Variants in CBFA2T3 observed in about 807,000 individuals in gnomAD.
CBFA2T3 encodes transcriptional corepressor CBFA2T3.
Under a neutral mutation model 58.6 loss-of-function variants are expected in CBFA2T3, and 31 were observed. The ratio of observed to expected loss-of-function variants is 0.53; its 90% confidence interval spans 0.40 to 0.71. CBFA2T3 has a LOEUF of 0.71. CBFA2T3 is among the 30% of genes least tolerant of loss of function. The probability of loss-of-function intolerance (pLI) is 0.00; values close to 1 mark genes in which losing one functional copy is unlikely to be tolerated. For synonymous variants in CBFA2T3, 531 were observed against 421.9 expected (o/e 1.26, Z -3.17); for missense variants, 1,076 against 963.1 (o/e 1.12, Z -1.55).
rs146447637 is a variant in CBFA2T3, at chr16:88,943,086, C to T, written c.151+33571G>A. On this transcript the variant is annotated intron_variant, in intron 1 of 11. Coordinates refer to ENST00000268679, the MANE Select transcript of CBFA2T3 (RefSeq NM_005187.6). ...TTTGTGTGCCACTAAGAAAGGAAAA[C>T]ATTCTGCCGGTGATAATCCTAAAAC... Among the ~76,000 whole-genome samples, 804 of 152,342 alleles carry T rather than the reference C, an allele frequency of 5.3e-3. 2 individuals are homozygous for T. Among genetic ancestry groups the T allele is most frequent in the Non-Finnish European group, 8.8e-3 (596 of 68,030 alleles).
intron 3 of CBFA2T3, among the ~76,000 whole-genome samples, chr16:88,893,699 C>T (rs140760691): frequency 1.4e-4 from 21 of 152,338 alleles, no homozygotes; most frequent in South Asian, 4.1e-4. Context: ...GCCTGGCTGG[C>T]CCTGCTATTG....
At chr16:88,908,772 TG>T (rs1413296168) in intron 1 of CBFA2T3, among the ~76,000 whole-genome samples, 2 of 152,244 alleles carry the variant, frequency 1.3e-5, no homozygotes, top group Non-Finnish European at 2.9e-5. Flanking sequence ...ACAAAAGCCT[TG>T]GGGCATAGGA....
Position 88,946,762 on chromosome 16 carries a change from C to A in CBFA2T3, c.151+29895G>T, listed in dbSNP as rs145441486. 5.1e-3 allele frequency among the ~76,000 whole-genome samples: 781 copies of A among 151,926 alleles called. 7 individuals carry two copies. The highest frequency in any genetic ancestry group is 0.018 in the African/African-American group (753 of 41,408). Reference sequence around the variant, plus strand: ...TCCCACAGTGCTGGGATTACAGACACGAGCCACTGCTTCTGGCTGAGTTTT... The same window carrying A: ...TCCCACAGTGCTGGGATTACAGACAAGAGCCACTGCTTCTGGCTGAGTTTT... On this transcript the variant is annotated intron_variant, in intron 1 of 11. Coordinates refer to ENST00000268679, the MANE Select transcript of CBFA2T3 (RefSeq NM_005187.6).
intron 7 of CBFA2T3, among the ~76,000 whole-genome samples, chr16:88,883,101 G>A (rs1969194434): frequency 6.6e-6 from 1 of 152,234 alleles, no homozygotes; most frequent in African/African-American, 2.4e-5. Context: ...GGGGTGGGGT[G>A]TGGACCGAGG....
intron 1 of CBFA2T3, chr16:88,939,513 G>A (rs1319612659): frequency 6.6e-6 from 1 of 152,334 alleles, no homozygotes; most frequent in East Asian, 1.9e-4. Context: ...CTTTCAGTGT[G>A]GAAGAGTGGC....
At chr16:88,881,532 G>A (rs750888629) in intron 8 of CBFA2T3, 43 bp from the exon 9 acceptor site, 1 of 1,565,108 alleles carries the variant, frequency 6.4e-7, no homozygotes, top group Admixed American at 1.7e-5. Flanking sequence ...AGAGGGACCG[G>A]GACGCACCAG....
chr16:88,945,760 T>G (rs571563963), intron 1 of CBFA2T3, among the ~76,000 whole-genome samples: 1 of 152,248 alleles, frequency 6.6e-6, no homozygotes, highest in Non-Finnish European at 1.5e-5. Context: ...ACAGTTTGAC[T>G]GTTTCTTATG....
Position 88,901,596 on chromosome 16 carries a change from G to C in CBFA2T3, c.212C>G (p.Thr71Arg), listed in dbSNP as rs779187993. 2.4e-5 allele frequency: 36 copies of C among 1,517,958 alleles called. No individual in the cohort carries two copies. In the East Asian group the frequency reaches 9.6e-4, roughly 40 times the overall value. The allele number at this position is 1,517,958 out of a possible 1,614,324, so 94.0% of individuals were successfully genotyped here. A position where few individuals can be genotyped will look rare whatever the true frequency, so the allele number is the denominator to read the frequency against. Residue 71 changes from threonine (T) to arginine (R), a missense_variant, in exon 2 of 12, where the codon ACG (threonine) becomes AGG (arginine). Coordinates refer to ENST00000268679, the MANE Select transcript of CBFA2T3 (RefSeq NM_005187.6). ...AMPDSPAEVK[T>R]QPRSTPPSMP... is the part of the protein sequence containing the mutation. ...GCTGGGGGGTGTGGACCGGGGCTGC[G>C]TCTTCACCTCCGCTGGGGAGTCCGG...
intron 8 of CBFA2T3, 61 bp from the exon 9 acceptor site, chr16:88,881,550 CCCAGCCCACTCGG>C: frequency 6.6e-7 from 1 of 1,523,186 alleles, no homozygotes; most frequent in Non-Finnish European, 8.9e-7. Context: ...CAGACACTCC[CCCAGCCCACTCGG>C]CCAGAGCCCC....
intron 3 of CBFA2T3, among the ~76,000 whole-genome samples, chr16:88,895,624 A>C (rs1165322858): frequency 6.6e-6 from 1 of 152,002 alleles, no homozygotes; most frequent in Admixed American, 6.5e-5. Context: ...AGCGGGGGGA[A>C]CAGGTGTGCC....
At chr16:88,902,223 A>G (rs1970126812) in intron 1 of CBFA2T3, among the ~76,000 whole-genome samples, 1 of 152,192 alleles carries the variant, frequency 6.6e-6, no homozygotes, top group Non-Finnish European at 1.5e-5. Context: ...GTGTCTGCCC[A>G]GGGAGAGGCC....
In CBFA2T3 at chr16:88,893,749, A is replaced by G. The variant is rs144593726; in HGVS notation, c.380-1264T>C. ...GGGGCCTGGCAGACATGGGGCTGCTATGGAAAGTCCCAGGGCCGGGCCTCA... is the reference window on the plus strand; with the variant it reads ...GGGGCCTGGCAGACATGGGGCTGCTGTGGAAAGTCCCAGGGCCGGGCCTCA... On this transcript the variant is annotated intron_variant, in intron 3 of 11. Transcript: ENST00000268679. Among the ~76,000 whole-genome samples, 1,098 of 152,320 alleles carry G rather than the reference A, an allele frequency of 7.2e-3. 6 individuals are homozygous for G. The highest frequency in any genetic ancestry group is 0.01 in the Non-Finnish European group (691 of 68,010).
intron 1 of CBFA2T3, among the ~76,000 whole-genome samples, chr16:88,946,782 A>G (rs1971914401): frequency 6.6e-6 from 1 of 151,694 alleles, no homozygotes; most frequent in African/African-American, 2.4e-5. Context: ...CTTCTGGCTG[A>G]GTTTTTTTGT....
chr16:88,912,170 G>A (rs1232153661), intron 1 of CBFA2T3, among the ~76,000 whole-genome samples: 3 of 152,262 alleles, frequency 2.0e-5, no homozygotes, highest in Non-Finnish European at 2.9e-5. Flanking sequence ...CCACTACGTG[G>A]CTCCAGGCGG....
At chr16:88,898,521 G>A (rs375877353) in intron 2 of CBFA2T3, among the ~76,000 whole-genome samples, 10 of 152,336 alleles carry the variant, frequency 6.6e-5, no homozygotes, top group South Asian at 2.1e-4. Context: ...GCACTGTTCC[G>A]GAGTTTACAA....
In CBFA2T3 at chr16:88,975,154, G is replaced by GGCCACCC. The variant is rs1567643867; in HGVS notation, c.151+1502_151+1503insGGGTGGC. Among the ~76,000 whole-genome samples the GGCCACCC allele has an allele frequency of 9.0e-5, 13 of 144,354 alleles. No individual in the cohort carries two copies. The East Asian group carries it at 2.6e-3, about 29-fold the overall frequency. 94.7% of individuals were successfully genotyped at this position (144,354 alleles called of 152,430 possible). A position where few individuals can be genotyped will look rare whatever the true frequency, so the allele number is the denominator to read the frequency against. ...CTCCTGACCTGCAGCCATGTCAGAG[G>GGCCACCC]TCCACCCTGACCCTCTCTGCTCCAC... On this transcript the variant is annotated intron_variant, in intron 1 of 11. Transcript: ENST00000268679.
At chr16:88,966,122 T>C (rs11076741) in intron 1 of CBFA2T3, among the ~76,000 whole-genome samples, 109,581 of 152,156 alleles carry the variant, frequency 0.72, 39,650 homozygotes, top group East Asian at 0.86. Flanking sequence ...CTGGACGGAG[T>C]GGGCTTTCCC....
In CBFA2T3 at chr16:88,879,374, T is replaced by C; in HGVS notation, c.1558A>G (p.Ile520Val). ...SDAERKAHEL[I>V]TTERAKMERA... The stretch of plus-strand genomic sequence containing the variant: ...TCCATCTTGGCACGCTCCGTGGTGA[T>C]GAGCTCGTGCGCTTTGCGCTCCGCG... Residue 520 changes from isoleucine (I) to valine (V), a missense_variant, in exon 11 of 12, where the codon ATC (isoleucine) becomes GTC (valine). By Grantham distance (29) the Ile-to-Val change is conservative (BLOSUM62 3). Coordinates refer to ENST00000268679, the MANE Select transcript of CBFA2T3 (RefSeq NM_005187.6). 1.2e-6 allele frequency: 2 copies of C among 1,612,970 alleles called. No individual in the cohort carries two copies. The highest frequency in any genetic ancestry group is 1.7e-6 in the Non-Finnish European group (2 of 1,179,788).
chr16:88,905,957 A>C (rs1276036800), intron 1 of CBFA2T3, among the ~76,000 whole-genome samples: 3 of 146,280 alleles, frequency 2.1e-5, no homozygotes, highest in African/African-American at 8.3e-5. Context: ...CCCCACAGCC[A>C]CAGCAGGAGG....
Sources: gnomAD v4.1 joint callset for allele counts (sites outside exome capture counted in the v4.1 genomes callset) on GRCh38, gnomAD v4.1.1 for gene constraint, MANE v1.5 for transcripts, NCBI Gene and HGNC (gene_info 2026-07-23, HGNC 2026-07-21) for gene names.